The following ZNF681 variants were observed in gnomAD, a reference collection of about 807,000 sequenced individuals.
ZNF681 encodes hypothetical protein FLJ31526.
Under a neutral mutation model 56.0 loss-of-function variants are expected in ZNF681, and 37 were observed. The ratio of observed to expected loss-of-function variants is 0.66; its 90% CI spans 0.51 to 0.87. The LOEUF is 0.87. Among genes scored for constraint, ZNF681 ranks in the 40% least tolerant of loss-of-function variants. The probability of loss-of-function intolerance (pLI) is 0.00; values close to 1 mark genes in which losing one functional copy is unlikely to be tolerated. For missense variants in ZNF681, 741 were observed against 744.9 expected, an observed-to-expected ratio of 0.99 and a Z score of 0.06; for synonymous variants, 225 against 248.6, an observed-to-expected ratio of 0.91 and a Z score of 0.89.
At position 23,744,280 on chromosome 19, in the gene ZNF681, A is replaced by G. The variant is rs1437135669; in HGVS notation, c.1270T>C (p.Cys424Arg). Reference sequence around the variant, plus strand: ...TTAGAAGCTTTGCCACATTTTTCACACTGGTAGGGTTTTTCTCCAGTATGA... The same window carrying G: ...TTAGAAGCTTTGCCACATTTTTCACGCTGGTAGGGTTTTTCTCCAGTATGA... Reference protein sequence around the residue: ...SIHTGEKPYQCEKCGKASNQS... With the variant: ...SIHTGEKPYQREKCGKASNQS... Residue 424 changes from cysteine to arginine, a missense_variant, in exon 4 of 4, where the codon TGT (cysteine) becomes CGT (arginine). By Grantham distance (180) the Cys-to-Arg change is radical. Coordinates refer to ENST00000402377, the MANE Select transcript of ZNF681 (RefSeq NM_138286.3). The G allele has an allele frequency of 1.9e-6, 3 of 1,613,328 alleles. No homozygotes were observed. The highest frequency in any genetic ancestry group is 1.3e-5 in the African/African-American group (1 of 74,684).
chr19:23,757,843 A>G (rs1170669096), intron 1 of ZNF681, among the ~76,000 whole-genome samples: 1 of 151,988 alleles, frequency 6.6e-6, no homozygotes, highest in Non-Finnish European at 1.5e-5. Flanking sequence ...GTTTTTCCTA[A>G]ACTTACCTTA....
rs553471884 is a variant in ZNF681, at chr19:23,751,581, A to G, written c.226+3242T>C. ...ATTTTGAATAACTGGCATGTGCTCC[A>G]TGGCAGTAAAATTTCAAAGGAAATG... is the stretch of plus-strand genomic sequence containing the variant. On this transcript the variant is annotated intron_variant, in intron 3 of 3. Coordinates refer to ENST00000402377, the MANE Select transcript of ZNF681 (RefSeq NM_138286.3). Among the ~76,000 whole-genome samples, 6 of 152,322 alleles carry G rather than the reference A, an allele frequency of 3.9e-5. No individual in the cohort carries two copies. In the South Asian group the frequency reaches 1.0e-3, roughly 26 times the overall value.
At chr19:23,745,602 G>A (rs1026451854) in intron 3 of ZNF681, among the ~76,000 whole-genome samples, 6 of 151,728 alleles carry the variant, frequency 4.0e-5, no homozygotes, top group African/African-American at 9.7e-5. Context: ...ACAGGCATGT[G>A]CCACCATGCC....
intron 3 of ZNF681, among the ~76,000 whole-genome samples, chr19:23,747,917 A>C (rs555081617): frequency 6.6e-6 from 1 of 152,262 alleles, no homozygotes; most frequent in East Asian, 1.9e-4. Context: ...AGCACACAAT[A>C]GAGAAAAGAC....
Position 23,745,311 on chromosome 19 carries a change from T to C in ZNF681, c.239A>G (p.His80Arg). Residue 80 changes from histidine to arginine, a missense_variant, in exon 4 of 4, where the codon CAT becomes CGT. By Grantham distance (29) the His-to-Arg change is conservative. Transcript: ENST00000402377. ...CTCTGGTGAAAAGTCTTGGGCAAAA[T>C]GAGAACAAATAACTGAAAGAAATAA... Reference protein sequence around the residue: ...MVAEPPVICSHFAQDFSPEQN... With the variant: ...MVAEPPVICSRFAQDFSPEQN... 1 of 1,547,526 alleles carries C rather than the reference T, an allele frequency of 6.5e-7. No homozygotes were observed. The highest frequency in any genetic ancestry group is 8.7e-7 in the Non-Finnish European group (1 of 1,153,066).
At position 23,743,653 on chromosome 19, in the gene ZNF681, A is replaced by C; in HGVS notation, c.1897T>G (p.Phe633Val). 6.5e-7 allele frequency: 1 copy of C among 1,546,750 alleles called. No individual in the cohort carries two copies. Among genetic ancestry groups the C allele is most frequent in the Non-Finnish European group, 8.7e-7 (1 of 1,149,106 alleles). The change falls in exon 4 of 4, where the codon TTT (phenylalanine) becomes GTT (valine). Residue 633 changes from phenylalanine (F) to valine (V), a missense_variant. Phe to Val is a conservative substitution (Grantham distance 50). Transcript: ENST00000402377. The stretch of plus-strand genomic sequence containing the variant: ...GCATAATTTCTTTTATGTTTAGAAA[A>C]CTTTGAAGTGTTTTCAAAATCACTG... ...CNSDFENTSK[F>V]SKHKRNYAGE... is the part of the protein sequence containing the mutation.
intron 3 of ZNF681, among the ~76,000 whole-genome samples, chr19:23,747,387 C>T (rs974701095): frequency 6.6e-6 from 1 of 151,980 alleles, no homozygotes; most frequent in Non-Finnish European, 1.5e-5. Flanking sequence ...AGCCTGTAAT[C>T]CCAGCACTTT....
intron 3 of ZNF681, among the ~76,000 whole-genome samples, chr19:23,752,719 G>A (rs565719850): frequency 1.3e-5 from 2 of 152,210 alleles, no homozygotes; most frequent in South Asian, 2.1e-4. Context: ...AAACCCAGAG[G>A]GCATCTCATT....
At chr19:23,756,323 C>CA (rs995145238) in intron 1 of ZNF681, among the ~76,000 whole-genome samples, 3 of 149,280 alleles carry the variant, frequency 2.0e-5, no homozygotes, top group East Asian at 2.0e-4. Flanking sequence ...ACACTCTGTC[C>CA]CCCCCCAAAA....
At chr19:23,752,822 T>A (rs200823758) in intron 3 of ZNF681, among the ~76,000 whole-genome samples, 1 of 152,246 alleles carries the variant, frequency 6.6e-6, no homozygotes, top group South Asian at 2.1e-4. Flanking sequence ...AAGACACTAA[T>A]ACAAAACTAT....
At chr19:23,757,633 GA>G in intron 1 of ZNF681, among the ~76,000 whole-genome samples, 1 of 152,024 alleles carries the variant, frequency 6.6e-6, no homozygotes, top group East Asian at 1.9e-4. Context: ...TGTGTTTCAG[GA>G]ATTGTAAGCA....
chr19:23,755,485 T>C lies in ZNF681; in HGVS notation c.70A>G (p.Ile24Val), dbSNP rs1484995828. ...ACATTCCTATATAAATTCTGCTGTA[T>C]AGTGTCCAGGCATTGCCACTCCTCC... ...SLEEWQCLDT[I>V]QQNLYRNVML... is the part of the protein sequence containing the mutation. The change falls in exon 2 of 4, where the codon ATA (isoleucine) becomes GTA (valine). Residue 24 changes from isoleucine to valine, a missense_variant. Ile to Val is a conservative substitution (Grantham distance 29). Coordinates refer to ENST00000402377, the MANE Select transcript of ZNF681 (RefSeq NM_138286.3). 3 of 1,611,388 alleles carry C rather than the reference T, an allele frequency of 1.9e-6. No individual in the cohort carries two copies. Among genetic ancestry groups the C allele is most frequent in the East Asian group, 2.2e-5 (1 of 44,738 alleles).
chr19:23,752,142 C>G (rs1969041871), intron 3 of ZNF681, among the ~76,000 whole-genome samples: 1 of 152,254 alleles, frequency 6.6e-6, no homozygotes, highest in South Asian at 2.1e-4. Context: ...TGCTATTTTT[C>G]AGAAGGCAGG....
Position 23,745,095 on chromosome 19 carries a change from T to C in ZNF681, c.455A>G (p.His152Arg), listed in dbSNP as rs1357048342. 6.2e-7 allele frequency: 1 copy of C among 1,604,792 alleles called. No individual in the cohort carries two copies. The highest frequency in any genetic ancestry group is 8.5e-7 in the Non-Finnish European group (1 of 1,175,786). Residue 152 changes from histidine (H) to arginine (R), a missense_variant, in exon 4 of 4, where the codon CAT becomes CGT. Coordinates refer to ENST00000402377, the MANE Select transcript of ZNF681 (RefSeq NM_138286.3). The part of the protein sequence containing the change: ...FQCDKYMKIF[H>R]KFSNLNGHKV... ...ATGTCCATTTAAATTTGAAAATTTA[T>C]GAAAGATTTTCATATATTTATCACA...
In ZNF681 at chr19:23,743,534, G is replaced by GTT. The variant is rs368732075; in HGVS notation, c.*76_*77dup. 719 of 1,263,980 alleles carry GTT rather than the reference G, an allele frequency of 5.7e-4. 2 individuals carry two copies. The African/African-American group carries it at 0.01, about 18-fold the overall frequency. 78.3% of individuals were successfully genotyped at this position (1,263,980 alleles called of 1,614,324 possible). On this transcript the variant is annotated 3_prime_UTR_variant, in exon 4 of 4. Transcript: ENST00000402377. Reference sequence around the variant, plus strand: ...TTTGCCACATTCTTCACACTTGTAGGTTTTTTTTTAGTATGAATTATCTTA... The same window carrying GTT: ...TTTGCCACATTCTTCACACTTGTAGGTTTTTTTTTTTAGTATGAATTATCTTA...
Position 23,742,087 on chromosome 19 carries a change from A to G in ZNF681, c.*1525T>C, listed in dbSNP as rs1450693369. On this transcript the variant is annotated 3_prime_UTR_variant, in exon 4 of 4. Transcript: ENST00000402377. The stretch of plus-strand genomic sequence containing the variant: ...GATGGGATAAGTTAAATTTAATGGC[A>G]TAATAATGCTTCATTGAATGCACGA... 1 of 152,190 alleles carries G rather than the reference A, an allele frequency of 6.6e-6. No homozygotes were observed. The highest frequency in any genetic ancestry group is 2.4e-5 in the African/African-American group (1 of 41,440). 9.4% of individuals were successfully genotyped at this position (152,190 alleles called of 1,614,324 possible).
chr19:23,754,836 C>T lies in ZNF681; in HGVS notation c.213G>A (p.Val71=). 6.2e-7 allele frequency: 1 copy of T among 1,614,028 alleles called. No individual in the cohort carries two copies. Among genetic ancestry groups the T allele is most frequent in the Non-Finnish European group, 8.5e-7 (1 of 1,179,986 alleles). ...EPWTRKRHRM[V]AEPPVICSHF... ...ACTCTCACCTACCTGGGGGTTCGGCCACCATCCTATGTCTCTTTCTAGTCC... is the reference window on the plus strand; with the variant it reads ...ACTCTCACCTACCTGGGGGTTCGGCTACCATCCTATGTCTCTTTCTAGTCC... Residue 71 remains valine (V), a synonymous_variant, in exon 3 of 4, where the codon GTG becomes GTA. Transcript: ENST00000402377.
At position 23,743,681 on chromosome 19, in the gene ZNF681, A is replaced by G. The variant is rs142653731; in HGVS notation, c.1869T>C (p.Cys623=). Residue 623 remains cysteine, a synonymous_variant, in exon 4 of 4, where the codon TGT becomes TGC. Transcript: ENST00000402377. ...TTGAAGTGTTTTCAAAATCACTGTT[A>G]CATCTTTTAGGTTTGTAGAGTTTCT... is the stretch of plus-strand genomic sequence containing the variant. ...TGEKLYKPKR[C]NSDFENTSKF... The G allele has an allele frequency of 1.4e-3, 2,155 of 1,594,228 alleles. 5 individuals are homozygous for G. Among genetic ancestry groups the G allele is most frequent in the Non-Finnish European group, 1.7e-3 (1,985 of 1,171,232 alleles).
At position 23,741,040 on chromosome 19, in the gene ZNF681, T is replaced by C. The variant is rs552591434; in HGVS notation, c.*2572A>G. The C allele has an allele frequency of 1.3e-5, 2 of 152,196 alleles. No homozygotes were observed. The highest frequency in any genetic ancestry group is 3.9e-4 in the East Asian group (2 of 5,164). 9.4% of individuals were successfully genotyped at this position (152,196 alleles called of 1,614,324 possible). A position where few individuals can be genotyped will look rare whatever the true frequency, so the allele number is the denominator to read the frequency against. On this transcript the variant is annotated 3_prime_UTR_variant, in exon 4 of 4. Coordinates refer to ENST00000402377, the MANE Select transcript of ZNF681 (RefSeq NM_138286.3). The stretch of plus-strand genomic sequence containing the variant: ...TCAATTCAATACAAAGCAGAGAGTA[T>C]GGATTTGTTTTCAGCATTTTTAAGT...
Sources: allele counts gnomAD v4.1 joint callset (sites outside exome capture counted in the v4.1 genomes callset), GRCh38; gene constraint gnomAD v4.1.1; transcripts MANE v1.5; gene names NCBI Gene and HGNC (gene_info 2026-07-23, HGNC 2026-07-21).